CNTNAP2: variants seen among roughly 807,000 people sequenced by gnomAD.
The protein encoded by CNTNAP2 is contactin associated protein 2.
CNTNAP2 carries 98 observed loss-of-function variants against 155.2 expected under a neutral mutation model. The observed-to-expected ratio is 0.63, with a 90% CI of 0.54 to 0.75. CNTNAP2 has a LOEUF of 0.75. Among genes scored for constraint, CNTNAP2 ranks in the 30% least tolerant of loss-of-function variants. The pLI is 0.00. For missense variants in CNTNAP2, 1,727 were observed against 1,688.1 expected (o/e 1.02, Z -0.40); for synonymous variants, 651 against 631.2 (o/e 1.03, Z -0.47).
intron 1 of CNTNAP2, among the ~76,000 whole-genome samples, chr7:146,134,800 G>A (rs1797772693): frequency 6.6e-6 from 1 of 151,704 alleles, no homozygotes; most frequent in South Asian, 2.1e-4. Context: ...ATGTGCTGCT[G>A]GATTCGGTTT....
At chr7:148,389,332 A>ATGGT (rs1468454331) in intron 22 of CNTNAP2, among the ~76,000 whole-genome samples, 2 of 152,014 alleles carry the variant, frequency 1.3e-5, no homozygotes, top group Non-Finnish European at 2.9e-5. Flanking sequence ...ACAAGATCTG[A>ATGGT]TGGTTTTATA....
At chr7:146,595,408 T>G (rs1172066535) in intron 1 of CNTNAP2, among the ~76,000 whole-genome samples, 1 of 152,012 alleles carries the variant, frequency 6.6e-6, no homozygotes, top group South Asian at 2.1e-4. Context: ...ATACATGGAA[T>G]TATGTTGATC....
At chr7:146,587,808 C>A (rs755760608) in intron 1 of CNTNAP2, among the ~76,000 whole-genome samples, 1 of 151,680 alleles carries the variant, frequency 6.6e-6, no homozygotes, top group Non-Finnish European at 1.5e-5. Context: ...GAGTAGCCTC[C>A]GGATTACAGG....
At chr7:148,179,232 A>T (rs1794993700) in intron 18 of CNTNAP2, among the ~76,000 whole-genome samples, 1 of 152,154 alleles carries the variant, frequency 6.6e-6, no homozygotes. Flanking sequence ...CTGATTAGCC[A>T]GGCACACTGG....
At chr7:148,161,732 T>C (rs1805546844) in intron 17 of CNTNAP2, among the ~76,000 whole-genome samples, 2 of 152,302 alleles carry the variant, frequency 1.3e-5, no homozygotes, top group South Asian at 4.1e-4. Context: ...AATAACCAAA[T>C]CCAATAGCCT....
intron 20 of CNTNAP2, among the ~76,000 whole-genome samples, chr7:148,242,537 A>G (rs1796177248): frequency 6.6e-6 from 1 of 152,224 alleles, no homozygotes; most frequent in Non-Finnish European, 1.5e-5. Flanking sequence ...GTTTTCTATA[A>G]ACACCGACCA....
At chr7:148,339,987 G>GTC (rs1315323282) in intron 21 of CNTNAP2, among the ~76,000 whole-genome samples, 1 of 151,318 alleles carries the variant, frequency 6.6e-6, no homozygotes, top group Non-Finnish European at 1.5e-5. Flanking sequence ...GTGTGTGTGT[G>GTC]TGTGTGTGTG....
At chr7:146,402,981 T>C (rs1418532014) in intron 1 of CNTNAP2, among the ~76,000 whole-genome samples, 2 of 152,052 alleles carry the variant, frequency 1.3e-5, no homozygotes. Context: ...ACACTATACA[T>C]TGAAATTAAT....
At chr7:147,083,569 T>TATATATGTATATATATATACACAC (rs1563070343) in intron 4 of CNTNAP2, among the ~76,000 whole-genome samples, 1 of 138,830 alleles carries the variant, frequency 7.2e-6, no homozygotes, top group African/African-American at 2.9e-5. Flanking sequence ...TATATACACA[T>TATATATGTATATATATATACACAC]ATATATGTAT....
At chr7:147,259,606 A>G (rs888750980) in intron 8 of CNTNAP2, among the ~76,000 whole-genome samples, 3 of 152,212 alleles carry the variant, frequency 2.0e-5, no homozygotes, top group East Asian at 3.9e-4. Flanking sequence ...TATATGGAGG[A>G]CATTTATGGC....
intron 4 of CNTNAP2, among the ~76,000 whole-genome samples, chr7:147,094,197 G>A (rs528053824): frequency 6.6e-6 from 1 of 152,096 alleles, no homozygotes; most frequent in African/African-American, 2.4e-5. Context: ...AACTTCCCAG[G>A]GCATCCTCAT....
At position 147,507,663 on chromosome 7, in the gene CNTNAP2, C is replaced by T. The variant is rs562402254; in HGVS notation, c.1777+21622C>T. Among the ~76,000 whole-genome samples the T allele has an allele frequency of 7.9e-4, 119 of 150,272 alleles. 3 individuals are homozygous for T. In the South Asian group the frequency reaches 0.011, roughly 13 times the overall value. Reference sequence around the variant, plus strand: ...CGCCTCCCAGGTTCACACCATTCTCCTGCCTCAGCCTCCCGAGTAGCTGGG... The same window carrying T: ...CGCCTCCCAGGTTCACACCATTCTCTTGCCTCAGCCTCCCGAGTAGCTGGG... On this transcript the variant is annotated intron_variant, in intron 11 of 23. Transcript: ENST00000361727.
At chr7:147,573,032 A>G (rs1800324846) in intron 12 of CNTNAP2, among the ~76,000 whole-genome samples, 1 of 152,164 alleles carries the variant, frequency 6.6e-6, no homozygotes, top group East Asian at 1.9e-4. Flanking sequence ...CACCACAACC[A>G]AGAAAGTTAA....
At chr7:148,207,328 T>C (rs552782318) in intron 18 of CNTNAP2, among the ~76,000 whole-genome samples, 9 of 152,262 alleles carry the variant, frequency 5.9e-5, no homozygotes, top group Non-Finnish European at 1.2e-4. Context: ...AGCCCGCCTC[T>C]TAGGCTGGCT....
chr7:147,288,025 C>T (rs1002319659), intron 8 of CNTNAP2, among the ~76,000 whole-genome samples: 1 of 152,052 alleles, frequency 6.6e-6, no homozygotes, highest in Non-Finnish European at 1.5e-5. Flanking sequence ...CAGTCCTTCC[C>T]CCTTACCTTT....
At chr7:147,918,081 G>A (rs112052568) in intron 14 of CNTNAP2, among the ~76,000 whole-genome samples, 10 of 152,170 alleles carry the variant, frequency 6.6e-5, no homozygotes, top group African/African-American at 2.4e-4. Context: ...TAAAAGGCCT[G>A]CTTCCTGAGG....
intron 8 of CNTNAP2, among the ~76,000 whole-genome samples, chr7:147,143,361 C>T (rs935343309): frequency 3.3e-5 from 5 of 152,116 alleles, no homozygotes; most frequent in African/African-American, 4.8e-5. Flanking sequence ...AATTCCATGG[C>T]GATCTCAAAT....
chr7:147,104,510 T>C (rs543871649), intron 4 of CNTNAP2, among the ~76,000 whole-genome samples: 53 of 151,960 alleles, frequency 3.5e-4, no homozygotes, highest in African/African-American at 1.3e-3. Context: ...ATAATGCCTT[T>C]TAAATTTTTT....
At position 147,408,917 on chromosome 7, in the gene CNTNAP2, C is replaced by T. The variant is rs142585006; in HGVS notation, c.1670+13137C>T. Among the ~76,000 whole-genome samples the T allele has an allele frequency of 3.9e-3, 589 of 152,188 alleles. 2 individuals carry two copies. The highest frequency in any genetic ancestry group is 6.7e-3 in the Non-Finnish European group (455 of 68,008). On this transcript the variant is annotated intron_variant, in intron 10 of 23. Transcript: ENST00000361727. ...AGAGGTGATGAGAAATGAATTACTG[C>T]AGTAGAACCAGGTGAAAAAGGAAAT...
Sources: allele counts gnomAD v4.1 joint callset (sites outside exome capture counted in the v4.1 genomes callset), GRCh38; gene constraint gnomAD v4.1.1; transcripts MANE v1.5; gene names NCBI Gene and HGNC (gene_info 2026-07-23, HGNC 2026-07-21).